The following DMXL1 variants were observed in gnomAD, a reference collection of about 807,000 sequenced individuals.
DMXL1 encodes Dmx like 1, also known as dmX-like protein 1.
In DMXL1, 99 loss-of-function variants were observed where a neutral mutation model predicts 319.2. The observed-to-expected ratio is 0.31, with a 90% CI of 0.26 to 0.37. The LOEUF (loss-of-function observed/expected upper bound fraction) is 0.37. Ranked by LOEUF, DMXL1 falls within the 10% of genes least tolerant of loss-of-function variation. The pLI is 1.00. For synonymous variants in DMXL1, 1,385 were observed against 1,235.2 expected, an observed-to-expected ratio of 1.12 and a Z score of -2.54; for missense variants, 3,745 against 3,595.6, an observed-to-expected ratio of 1.04 and a Z score of -1.06.
chr5:119,195,515 G>T (rs1264824909), intron 30 of DMXL1, among the ~76,000 whole-genome samples: 1 of 152,158 alleles, frequency 6.6e-6, no homozygotes, highest in Non-Finnish European at 1.5e-5. Context: ...CTTACATGAG[G>T]TACCTAGAAT....
At chr5:119,168,787 C>G (rs1773954034) in intron 23 of DMXL1, among the ~76,000 whole-genome samples, 1 of 152,128 alleles carries the variant, frequency 6.6e-6, no homozygotes, top group Admixed American at 6.5e-5. Flanking sequence ...CACCTGGCAT[C>G]TAGCTGTCCT....
chr5:119,109,337 T>C (rs1475994724), intron 4 of DMXL1, among the ~76,000 whole-genome samples: 1 of 152,210 alleles, frequency 6.6e-6, no homozygotes. Context: ...AGAGGGAGAC[T>C]CACAGGCCTC....
At chr5:119,237,751 G>A (rs996016971) in intron 40 of DMXL1, among the ~76,000 whole-genome samples, 4 of 151,944 alleles carry the variant, frequency 2.6e-5, no homozygotes, top group East Asian at 1.9e-4. Flanking sequence ...AGACCAATGC[G>A]TCTGGTTATT....
chr5:119,100,451 A>T (rs945331648), intron 2 of DMXL1: 6 of 151,952 alleles, frequency 3.9e-5, no homozygotes, highest in African/African-American at 1.5e-4. Context: ...AAAAAAAAAA[A>T]AGAAGGAAAT....
chr5:119,134,202 A>G (rs540300237), intron 12 of DMXL1, 24 bp downstream of exon 12: 20 of 1,606,744 alleles, frequency 1.2e-5, no homozygotes, highest in Middle Eastern at 1.7e-4. Context: ...TTTTTATTAC[A>G]GTAATTTAGA....
chr5:119,205,486 A>C (rs1190448115), intron 33 of DMXL1, among the ~76,000 whole-genome samples: 2 of 152,084 alleles, frequency 1.3e-5, no homozygotes, highest in Admixed American at 6.6e-5. Context: ...ATGTTGGACT[A>C]ACAGTTTTGT....
chr5:119,120,052 T>C (rs980618472), intron 8 of DMXL1, among the ~76,000 whole-genome samples: 1 of 151,956 alleles, frequency 6.6e-6, no homozygotes, highest in Non-Finnish European at 1.5e-5. Flanking sequence ...GGCTAATTTT[T>C]GTATTTAAAG....
intron 1 of DMXL1, among the ~76,000 whole-genome samples, chr5:119,077,754 A>AGAGT (rs1554080968): frequency 8.0e-5 from 10 of 125,414 alleles, no homozygotes; most frequent in African/African-American, 2.3e-4. Context: ...TTATTTTTTA[A>AGAGT]GTGTGTGTGT....
Position 119,105,162 on chromosome 5 carries a change from G to T in DMXL1, c.286-18G>T. 4.5e-6 allele frequency: 7 copies of T among 1,550,122 alleles called. No individual in the cohort carries two copies. In the South Asian group the frequency reaches 6.7e-5, roughly 15 times the overall value. On this transcript the variant is annotated intron_variant, in intron 3 of 43. Coordinates refer to ENST00000539542, the MANE Select transcript of DMXL1 (RefSeq NM_001290321.3). ...ATATGCCAATCATAATGGGCTAAAT[G>T]ACTTTTCTTAATTTTAGGAATTATA...
rs1367879691 is a variant in DMXL1, at chr5:119,220,963, A to G, written c.8159A>G (p.His2720Arg). ...AGATCAGAAGATTTCTTGGTTATAC[A>G]TGCTCGTGATGATTTAACAGCTGTT... ...TKGSEDFLVI[H>R]ARDDLTAVQG... Residue 2720 changes from histidine (H) to arginine (R), a missense_variant, in exon 37 of 44, where the codon CAT becomes CGT. By Grantham distance (29) the His-to-Arg change is conservative. Around this residue, in one of 4 missense-constraint regions of DMXL1, gnomAD observed 1,382 missense variants for 1,269.5 expected, o/e 1.09. Coordinates refer to ENST00000539542, the MANE Select transcript of DMXL1 (RefSeq NM_001290321.3). 2.5e-6 allele frequency: 4 copies of G among 1,613,560 alleles called. No individual in the cohort carries two copies. The highest frequency in any genetic ancestry group is 1.7e-4 in the Middle Eastern group (1 of 6,054).
intron 33 of DMXL1, among the ~76,000 whole-genome samples, chr5:119,204,542 G>C (rs1781421074): frequency 6.7e-6 from 1 of 149,104 alleles, no homozygotes; most frequent in South Asian, 2.1e-4. Flanking sequence ...CTTATACCTT[G>C]ATATTATCAT....
intron 10 of DMXL1, among the ~76,000 whole-genome samples, chr5:119,129,851 G>A (rs1378367131): frequency 1.3e-5 from 2 of 152,152 alleles, no homozygotes; most frequent in African/African-American, 4.8e-5. Context: ...TCTGCCTTTG[G>A]CCTTCAGTTG....
chr5:119,161,500 T>C (rs955435482), intron 19 of DMXL1, among the ~76,000 whole-genome samples: 3 of 152,262 alleles, frequency 2.0e-5, no homozygotes, highest in South Asian at 4.1e-4. Context: ...CTTGCCCTCC[T>C]GCCTGAACGG....
Position 119,135,710 on chromosome 5 carries a change from G to A in DMXL1, c.2376+1321G>A, listed in dbSNP as rs181607836. On this transcript the variant is annotated intron_variant, in intron 13 of 43. Coordinates refer to ENST00000539542, the MANE Select transcript of DMXL1 (RefSeq NM_001290321.3). ...AAAAGTGGCAGTTTCCCCTGTGCAC[G>A]TGCCGTCTCCTGACACCTGTGAAGA... 3.3e-5 allele frequency among the ~76,000 whole-genome samples: 5 copies of A among 152,160 alleles called. No homozygotes were observed. In the East Asian group the frequency reaches 7.7e-4, roughly 23 times the overall value.
intron 9 of DMXL1, among the ~76,000 whole-genome samples, chr5:119,126,135 TA>T (rs1301371949): frequency 2.0e-5 from 3 of 151,986 alleles, no homozygotes; most frequent in Non-Finnish European, 4.4e-5. Context: ...AATACAAAAT[TA>T]GCCAGGCGTG....
chr5:119,171,580 C>CTCTGTGCCCCTAAATGTCTCTT (rs1367955844), intron 24 of DMXL1, among the ~76,000 whole-genome samples, 198 bp from the exon 25 acceptor site: 80 of 151,544 alleles, frequency 5.3e-4, no homozygotes, highest in South Asian at 1.3e-3. Context: ...TTTTTTCCCT[C>CTCTGTGCCCCTAAATGTCTCTT]TCTGTGCCCC....
intron 13 of DMXL1, chr5:119,138,810 C>G (rs1766619824): frequency 6.6e-6 from 1 of 152,164 alleles, no homozygotes; most frequent in Admixed American, 6.5e-5. Flanking sequence ...GCACTCCAGC[C>G]TTGGGTGACA....
chr5:119,083,465 T>C (rs1291110538), intron 1 of DMXL1, among the ~76,000 whole-genome samples: 3 of 152,190 alleles, frequency 2.0e-5, no homozygotes, highest in Non-Finnish European at 2.9e-5. Context: ...ATAGATGTCT[T>C]TTTGATGTAC....
chr5:119,103,097 A>T (rs61710215), intron 3 of DMXL1, among the ~76,000 whole-genome samples: 17,375 of 143,572 alleles, frequency 0.12, 1,249 homozygotes, highest in African/African-American at 0.24. Context: ...TTTTTTTTTT[A>T]AAAAAAAAGA....
Sources: allele counts gnomAD v4.1 joint callset (sites outside exome capture counted in the v4.1 genomes callset), GRCh38; gene constraint gnomAD v4.1.1; regional missense constraint gnomAD v4.1.1; transcripts MANE v1.5; gene names NCBI Gene and HGNC (gene_info 2026-07-23, HGNC 2026-07-21).